Variants in NTRK1 observed in about 807,000 individuals in gnomAD.
NTRK1 encodes neurotrophic receptor tyrosine kinase 1.
In NTRK1, 62 loss-of-function variants were observed where a neutral mutation model predicts 86.8. The ratio of observed to expected loss-of-function variants is 0.71; its 90% CI spans 0.58 to 0.88. NTRK1 has a LOEUF of 0.88. Among genes scored for constraint, NTRK1 ranks in the 40% least tolerant of loss-of-function variants. The pLI, the probability that NTRK1 is intolerant of heterozygous loss-of-function variation, is 0.00. For synonymous variants in NTRK1, 469 were observed against 456.6 expected, an observed-to-expected ratio of 1.03 and a Z score of -0.35; for missense variants, 967 against 1,078.4, an observed-to-expected ratio of 0.90 and a Z score of 1.45.
In NTRK1 at chr1:156,876,207, C is replaced by A. The variant is rs1198610779; in HGVS notation, c.1629C>A (p.Val543=). The part of the protein sequence containing the change: ...LPEQDKMLVA[V]KALKEASESA... Reference sequence around the variant, plus strand: ...AGCAGGACAAGATGCTGGTGGCTGTCAAGGTGAGACCCTGCCCCGGGGGGT... The same window carrying A: ...AGCAGGACAAGATGCTGGTGGCTGTAAAGGTGAGACCCTGCCCCGGGGGGT... The change falls in exon 13 of 17, where the codon GTC becomes GTA. Residue 543 remains valine, a synonymous_variant. Coordinates refer to ENST00000524377, the MANE Select transcript of NTRK1 (RefSeq NM_002529.4). 1.9e-6 allele frequency: 3 copies of A among 1,614,010 alleles called. No homozygotes were observed. In the Admixed American group the frequency reaches 5.0e-5, roughly 27 times the overall value.
chr1:156,846,455 C>T (rs1655011745), intron 2 of NTRK1: 3 of 1,325,962 alleles, frequency 2.3e-6, no homozygotes, highest in Non-Finnish European at 3.2e-6. Flanking sequence ...TTTCTGGTGC[C>T]TGTGCTCCCC....
chr1:156,849,501 GGCAGGGGGT>G, intron 2 of NTRK1: 1 of 1,277,882 alleles, frequency 7.8e-7, no homozygotes, highest in Non-Finnish European at 1.1e-6. Flanking sequence ...GGGAGGTGGG[GGCAGGGGGT>G]GGGAAAGGGG....
intron 1 of NTRK1, chr1:156,816,799 A>C: frequency 1.6e-6 from 2 of 1,243,682 alleles, no homozygotes; most frequent in Non-Finnish European, 2.2e-6. Context: ...CTCTCCTCTC[A>C]CCCTGGCCCC....
rs757590743 is a variant in NTRK1, at chr1:156,876,097, C to G, written c.1519C>G (p.Arg507Gly). Residue 507 changes from arginine (R) to glycine (G), a missense_variant, in exon 13 of 17, where the codon CGC (arginine) becomes GGC (glycine). Around this residue, in one of 2 missense-constraint regions of NTRK1, gnomAD observed 637 missense variants for 776.5 expected, o/e 0.82. Transcript: ENST00000524377. ...CCCCTCAGGTGTTCACCACATCAAGCGCCGGGACATCGTGCTCAAGTGGGA... is the reference window on the plus strand; with the variant it reads ...CCCCTCAGGTGTTCACCACATCAAGGGCCGGGACATCGTGCTCAAGTGGGA... The part of the protein sequence containing the change: ...FSDACVHHIK[R>G]RDIVLKWELG... The G allele has an allele frequency of 6.2e-7, 1 of 1,614,232 alleles. No homozygotes were observed. Among genetic ancestry groups the G allele is most frequent in the Non-Finnish European group, 8.5e-7 (1 of 1,180,046 alleles).
intron 6 of NTRK1, among the ~76,000 whole-genome samples, chr1:156,870,220 C>T (rs1481452590): frequency 1.3e-5 from 2 of 152,144 alleles, no homozygotes; most frequent in Non-Finnish European, 2.9e-5. Context: ...TACATGTTTG[C>T]TACCATCTGT....
At chr1:156,821,689 G>A (rs1012942664) in intron 1 of NTRK1, among the ~76,000 whole-genome samples, 2 of 152,236 alleles carry the variant, frequency 1.3e-5, no homozygotes, top group Non-Finnish European at 2.9e-5. Context: ...GCTGCAAAGT[G>A]CAGTGGCCAG....
intron 2 of NTRK1, chr1:156,852,280 G>T (rs1405912678): frequency 7.6e-6 from 10 of 1,316,082 alleles, no homozygotes; most frequent in Non-Finnish European, 8.3e-6. Context: ...TTTCTCTTGG[G>T]ATGACACTCA....
intron 2 of NTRK1, chr1:156,851,952 A>C: frequency 6.2e-7 from 1 of 1,606,630 alleles, no homozygotes; most frequent in Non-Finnish European, 8.5e-7. Flanking sequence ...TGTATGCCGA[A>C]GGTGGAGGCA....
At chr1:156,842,055 C>T (rs780805763) in intron 1 of NTRK1, 2 of 1,607,448 alleles carry the variant, frequency 1.2e-6, no homozygotes, top group South Asian at 2.2e-5. Flanking sequence ...TGATGCCTAG[C>T]TTAAGGGAGT....
chr1:156,840,929 C>A (rs749002200), intron 1 of NTRK1: 1 of 1,614,088 alleles, frequency 6.2e-7, no homozygotes, highest in Non-Finnish European at 8.5e-7. Flanking sequence ...GGTGAGGAGT[C>A]AGGCTCTGCA....
At position 156,860,915 on chromosome 1, in the gene NTRK1, G is replaced by A. The variant is rs1015354464; in HGVS notation, c.-20G>A. 22 of 1,429,416 alleles carry A rather than the reference G, an allele frequency of 1.5e-5. No homozygotes were observed. The highest frequency in any genetic ancestry group is 2.9e-5 in the Admixed American group (1 of 34,526). 88.5% of individuals were successfully genotyped at this position (1,429,416 alleles called of 1,614,324 possible). A position where few individuals can be genotyped will look rare whatever the true frequency, so the allele number is the denominator to read the frequency against. ...GCGCACAGACGGCTGCCCCGCCTGA[G>A]CGAGGCGGGCGCCGCCGCGATGCTG... On this transcript the variant is annotated 5_prime_UTR_variant, in exon 1 of 17. Transcript: ENST00000524377.
intron 1 of NTRK1, among the ~76,000 whole-genome samples, chr1:156,830,474 C>G (rs545616533): frequency 6.6e-6 from 1 of 151,556 alleles, no homozygotes; most frequent in Non-Finnish European, 1.5e-5. Context: ...GGGCAAGTTT[C>G]TTGATCTCTC....
chr1:156,861,673 C>T (rs1045508626), intron 1 of NTRK1, among the ~76,000 whole-genome samples: 1 of 152,150 alleles, frequency 6.6e-6, no homozygotes, highest in African/African-American at 2.4e-5. Flanking sequence ...TGGTTGAGCT[C>T]TCCTCTTTCC....
At chr1:156,863,079 TG>T (rs201968738) in intron 1 of NTRK1, among the ~76,000 whole-genome samples, 16 of 121,364 alleles carry the variant, frequency 1.3e-4, no homozygotes, top group South Asian at 3.1e-4. Context: ...ATTGTTGGGG[TG>T]GGGGGGGCAC....
chr1:156,866,954 T>G lies in NTRK1; in HGVS notation c.404T>G (p.Val135Gly). 6.2e-7 allele frequency: 1 copy of G among 1,614,236 alleles called. No homozygotes were observed. The highest frequency in any genetic ancestry group is 8.5e-7 in the Non-Finnish European group (1 of 1,180,030). Reference sequence around the variant, plus strand: ...CTGGAGTCTCTCTCCTGGAAAACTGTGCAGGGCCTCTCCTTACAGGAACTG... The same window carrying G: ...CTGGAGTCTCTCTCCTGGAAAACTGGGCAGGGCCTCTCCTTACAGGAACTG... ...NALESLSWKT[V>G]QGLSLQELVL... The change falls in exon 4 of 17, where the codon GTG becomes GGG. Residue 135 changes from valine (V) to glycine (G), a missense_variant. Physicochemically the swap from Val to Gly is moderately radical, Grantham distance 109. Coordinates refer to ENST00000524377, the MANE Select transcript of NTRK1 (RefSeq NM_002529.4).
intron 6 of NTRK1, among the ~76,000 whole-genome samples, chr1:156,869,111 GC>G (rs1350100793): frequency 7.2e-6 from 1 of 139,454 alleles, no homozygotes; most frequent in Admixed American, 7.8e-5. Context: ...TCGCTCTGTT[GC>G]CCAGGCTGGA....
chr1:156,876,667 G>A, intron 14 of NTRK1, 95 bp downstream of exon 14: 1 of 1,439,456 alleles, frequency 6.9e-7, no homozygotes, highest in East Asian at 2.5e-5. Flanking sequence ...TTCAAACCAA[G>A]GGGAGACACC....
intron 7 of NTRK1, 116 bp downstream of exon 7, chr1:156,871,871 C>T (rs1647577670): frequency 2.2e-6 from 3 of 1,392,452 alleles, no homozygotes; most frequent in Non-Finnish European, 2.0e-6. Flanking sequence ...CACAGCTGCT[C>T]CCTCCCAGCT....
At chr1:156,844,035 C>G in intron 2 of NTRK1, 1 of 645,078 alleles carries the variant, frequency 1.6e-6, no homozygotes, top group South Asian at 1.9e-5. Flanking sequence ...GGTATGTTTC[C>G]TCTGTGCCAC....
Sources: allele counts gnomAD v4.1 joint callset (sites outside exome capture counted in the v4.1 genomes callset), GRCh38; gene constraint gnomAD v4.1.1; regional missense constraint gnomAD v4.1.1; transcripts MANE v1.5; gene names NCBI Gene and HGNC (gene_info 2026-07-23, HGNC 2026-07-21).